The following MRTFA variants were observed in gnomAD, a reference collection of about 807,000 sequenced individuals.
MRTFA encodes myocardin related transcription factor A.
In MRTFA, 20 loss-of-function variants were observed where a neutral mutation model predicts 83.5. The observed-to-expected ratio is 0.24, with a 90% CI of 0.17 to 0.35. The LOEUF is 0.35. MRTFA is among the 10% of genes least tolerant of loss of function. The pLI, the probability that MRTFA is intolerant of heterozygous loss-of-function variation, is 1.00. For missense variants in MRTFA, 1,200 were observed against 1,224.7 expected (o/e 0.98, Z 0.30); for synonymous variants, 659 against 541.2 (o/e 1.22, Z -3.02).
intron 6 of MRTFA, 63 bp from the exon 7 acceptor site, chr22:40,429,830 A>C: frequency 6.7e-7 from 1 of 1,499,726 alleles, no homozygotes; most frequent in Non-Finnish European, 8.9e-7. Flanking sequence ...TGCCCCGGGA[A>C]CTCCAGAGCA....
chr22:40,471,602 G>T (rs1443928638), intron 3 of MRTFA, among the ~76,000 whole-genome samples: 1 of 152,174 alleles, frequency 6.6e-6, no homozygotes, highest in Non-Finnish European at 1.5e-5. Flanking sequence ...ATTAATACTG[G>T]CTGGGCGCGG....
chr22:40,524,013 A>C (rs891044379), intron 3 of MRTFA, among the ~76,000 whole-genome samples: 1 of 152,256 alleles, frequency 6.6e-6, no homozygotes, highest in African/African-American at 2.4e-5. Flanking sequence ...AAGATACAGC[A>C]TCATGAATTG....
At chr22:40,558,480 A>C (rs1284032381) in intron 2 of MRTFA, among the ~76,000 whole-genome samples, 1 of 151,640 alleles carries the variant, frequency 6.6e-6, no homozygotes, top group African/African-American at 2.4e-5. Context: ...ACTTCTTCCT[A>C]CTACTTTGAA....
chr22:40,460,125 A>C (rs185015304), intron 4 of MRTFA, among the ~76,000 whole-genome samples: 107 of 152,026 alleles, frequency 7.0e-4, no homozygotes, highest in Non-Finnish European at 1.4e-3. Context: ...GGGTTTCACC[A>C]TGTTAGCCAG....
At chr22:40,606,190 A>T (rs1222688397) in intron 1 of MRTFA, among the ~76,000 whole-genome samples, 1 of 152,216 alleles carries the variant, frequency 6.6e-6, no homozygotes, top group Non-Finnish European at 1.5e-5. Context: ...AAAAATTCTC[A>T]TTCCAAAGTC....
intron 3 of MRTFA, among the ~76,000 whole-genome samples, chr22:40,469,664 ACT>A (rs1365863012): frequency 6.6e-6 from 1 of 152,012 alleles, no homozygotes. Flanking sequence ...CAGAATATAC[ACT>A]CTTTTCAAGC....
At chr22:40,435,599 A>C (rs767016818) in intron 4 of MRTFA, 45 bp from the exon 5 acceptor site, 1 of 1,597,828 alleles carries the variant, frequency 6.3e-7, no homozygotes, top group South Asian at 1.1e-5. Flanking sequence ...GCGAAGCATC[A>C]TGTCTAGTGC....
chr22:40,634,390 G>A (rs1396975640), intron 1 of MRTFA, among the ~76,000 whole-genome samples: 2 of 152,164 alleles, frequency 1.3e-5, no homozygotes, highest in East Asian at 1.9e-4. Context: ...ACTGTGCCCC[G>A]CCTATCAGGA....
intron 3 of MRTFA, among the ~76,000 whole-genome samples, chr22:40,500,370 TTTTA>T (rs2054443404): frequency 6.7e-6 from 1 of 150,242 alleles, no homozygotes; most frequent in Non-Finnish European, 1.5e-5. Context: ...ACATTTCATT[TTTTA>T]TTTTTTTTAT....
At chr22:40,419,969 T>C (rs186339790) in intron 11 of MRTFA, among the ~76,000 whole-genome samples, 153 of 152,136 alleles carry the variant, frequency 1.0e-3, no homozygotes, top group African/African-American at 3.4e-3. Context: ...AAGGGGAAAA[T>C]GCGGGCAGGG....
In MRTFA at chr22:40,503,880, C is replaced by T. The variant is rs2054537790; in HGVS notation, c.242-40594G>A. On this transcript the variant is annotated intron_variant, in intron 3 of 14. Transcript: ENST00000355630. Reference sequence around the variant, plus strand: ...GAGGTTGCAGTGAGCTGAGATCGTGCCACTGCACTTCAGCCTGGGCAACAG... The same window carrying T: ...GAGGTTGCAGTGAGCTGAGATCGTGTCACTGCACTTCAGCCTGGGCAACAG... Among the ~76,000 whole-genome samples the T allele has an allele frequency of 2.6e-5, 4 of 152,106 alleles. No homozygotes were observed. In the South Asian group the frequency reaches 8.3e-4, roughly 32 times the overall value.
chr22:40,477,920 GGTAA>G (rs1282702745), intron 3 of MRTFA, among the ~76,000 whole-genome samples: 1 of 151,968 alleles, frequency 6.6e-6, no homozygotes, highest in Admixed American at 6.6e-5. Flanking sequence ...AGCAGGCTCT[GGTAA>G]TTATAAAGAG....
rs185702384 is a variant in MRTFA, at chr22:40,614,145, T to C, written c.-83-19410A>G. The stretch of plus-strand genomic sequence containing the variant: ...AGAATCTAGGCGGCAGAGGTTGCAG[T>C]AAGCCGGGATCACACCATTGTACTC... On this transcript the variant is annotated intron_variant, in intron 1 of 14. Coordinates refer to ENST00000355630, the MANE Select transcript of MRTFA (RefSeq NM_020831.6). Among the ~76,000 whole-genome samples the C allele has an allele frequency of 2.2e-3, 330 of 151,758 alleles. 2 individuals are homozygous for C. Among genetic ancestry groups the C allele is most frequent in the African/African-American group, 7.7e-3 (318 of 41,362 alleles).
Position 40,410,351 on chromosome 22 carries a change from T to C in MRTFA, c.*1039A>G, listed in dbSNP as rs1311858861. 3 of 280,154 alleles carry C rather than the reference T, an allele frequency of 1.1e-5. No homozygotes were observed. Among genetic ancestry groups the C allele is most frequent in the Non-Finnish European group, 1.9e-5 (3 of 161,650 alleles). 17.4% of individuals were successfully genotyped at this position (280,154 alleles called of 1,614,324 possible). A position where few individuals can be genotyped will look rare whatever the true frequency, so the allele number is the denominator to read the frequency against. ...TTCCCCATCTTTGTCCCAGCACTGG[T>C]TTTGGTGACTCCACCCCTACTCCCC... On this transcript the variant is annotated 3_prime_UTR_variant, in exon 15 of 15. Transcript: ENST00000355630.
intron 2 of MRTFA, chr22:40,587,003 G>A: frequency 4.2e-6 from 2 of 471,482 alleles, no homozygotes; most frequent in East Asian, 1.3e-4. Flanking sequence ...AAAGCCTGGT[G>A]TTGCAGAGCA....
intron 1 of MRTFA, among the ~76,000 whole-genome samples, chr22:40,604,180 G>C (rs2056292037): frequency 6.6e-6 from 1 of 150,834 alleles, no homozygotes; most frequent in African/African-American, 2.4e-5. Context: ...GCCCAGGCTG[G>C]AGTGCAGTGG....
chr22:40,445,557 C>T (rs902841936), intron 4 of MRTFA, among the ~76,000 whole-genome samples: 65 of 151,892 alleles, frequency 4.3e-4, no homozygotes, highest in African/African-American at 1.4e-3. Context: ...GTTTTTGAGA[C>T]GGAGTCTTGC....
chr22:40,452,219 C>T (rs994666577), intron 4 of MRTFA, among the ~76,000 whole-genome samples: 5 of 151,988 alleles, frequency 3.3e-5, no homozygotes, highest in African/African-American at 1.2e-4. Flanking sequence ...CTGTTGACCT[C>T]GTGATCCACC....
intron 3 of MRTFA, among the ~76,000 whole-genome samples, chr22:40,539,100 T>G (rs2055242877): frequency 6.7e-6 from 1 of 148,610 alleles, no homozygotes; most frequent in African/African-American, 2.5e-5. Context: ...GTTCAAGTGA[T>G]TCTCATACCT....
Sources: allele counts gnomAD v4.1 joint callset (sites outside exome capture counted in the v4.1 genomes callset), GRCh38; gene constraint gnomAD v4.1.1; transcripts MANE v1.5; gene names NCBI Gene and HGNC (gene_info 2026-07-23, HGNC 2026-07-21).